The following SSC4D variants were observed in gnomAD, a reference collection of about 807,000 sequenced individuals.
SSC4D encodes scavenger receptor cysteine-rich domain-containing group B protein.
In SSC4D, 57 loss-of-function variants were observed where a neutral mutation model predicts 63.4. The ratio of observed to expected loss-of-function variants is 0.90; its 90% CI spans 0.73 to 1.12. The LOEUF (loss-of-function observed/expected upper bound fraction) is 1.12. Among genes scored for constraint, SSC4D ranks in the 50% most tolerant of loss-of-function variants. The pLI is 0.00. For synonymous variants in SSC4D, 352 were observed against 345.4 expected, an observed-to-expected ratio of 1.02 and a Z score of -0.21; for missense variants, 791 against 806.4, an observed-to-expected ratio of 0.98 and a Z score of 0.23.
At chr7:76,405,319 A>T (rs57903929) in intron 1 of SSC4D, among the ~76,000 whole-genome samples, 71 of 18,240 alleles carry the variant, frequency 3.9e-3, no homozygotes, top group Admixed American at 5.6e-3. Flanking sequence ...ATATATATGT[A>T]TTTTTTTCTT....
chr7:76,409,547 T>G lies in SSC4D; in HGVS notation c.-200A>C. The G allele has an allele frequency of 6.6e-6, 1 of 152,364 alleles. No individual in the cohort carries two copies. Among genetic ancestry groups the G allele is most frequent in the East Asian group, 1.9e-4 (1 of 5,208 alleles). 9.4% of individuals were successfully genotyped at this position (152,364 alleles called of 1,614,324 possible). A position where few individuals can be genotyped will look rare whatever the true frequency, so the allele number is the denominator to read the frequency against. ...GAAATCAACACAGGCGTTTCTTCTT[T>G]TCTTTCCACAGCTGGAAGGTGAGCA... is the stretch of plus-strand genomic sequence containing the variant. On this transcript the variant is annotated 5_prime_UTR_variant, in exon 1 of 11. Coordinates refer to ENST00000275560, the MANE Select transcript of SSC4D (RefSeq NM_080744.2).
At position 76,393,391 on chromosome 7, in the gene SSC4D, G is replaced by A. The variant is rs775088950; in HGVS notation, c.1333+14C>T. ...CGGCCCCGCTGTCAGCCTCACCTTC[G>A]CTGTCAGCCTCACCTGCGCAGAGCG... On this transcript the variant is annotated intron_variant, in intron 9 of 10. Coordinates refer to ENST00000275560, the MANE Select transcript of SSC4D (RefSeq NM_080744.2). The A allele has an allele frequency of 7.3e-7, 1 of 1,370,782 alleles. No individual in the cohort carries two copies. 84.9% of individuals were successfully genotyped at this position (1,370,782 alleles called of 1,614,324 possible).
chr7:76,393,345 C>T lies in SSC4D; in HGVS notation c.1333+60G>A, dbSNP rs537123859. ...AGGCCTCGCGCGTGGCGCCGCCCCGCCCCTCCCACGCCGCAGTGCGCGGCC... is the reference window on the plus strand; with the variant it reads ...AGGCCTCGCGCGTGGCGCCGCCCCGTCCCTCCCACGCCGCAGTGCGCGGCC... On this transcript the variant is annotated intron_variant, in intron 9 of 10. Coordinates refer to ENST00000275560, the MANE Select transcript of SSC4D (RefSeq NM_080744.2). 321 of 1,293,772 alleles carry T rather than the reference C, an allele frequency of 2.5e-4. 4 individuals carry two copies. In the South Asian group the frequency reaches 7.1e-3, roughly 28 times the overall value. The allele number at this position is 1,293,772 out of a possible 1,614,324, so 80.1% of individuals were successfully genotyped here. A position where few individuals can be genotyped will look rare whatever the true frequency, so the allele number is the denominator to read the frequency against.
intron 4 of SSC4D, 60 bp downstream of exon 4, chr7:76,400,226 C>T (rs1210836540): frequency 1.4e-6 from 2 of 1,417,634 alleles, no homozygotes; most frequent in Non-Finnish European, 1.9e-6. Context: ...TTTATCTAGC[C>T]TACAGCCCTG....
intron 2 of SSC4D, among the ~76,000 whole-genome samples, chr7:76,402,680 T>A (rs184318956): frequency 2.0e-5 from 3 of 152,198 alleles, no homozygotes; most frequent in Non-Finnish European, 4.4e-5. Context: ...TCTTTTTTGT[T>A]TTTCTTGAGA....
intron 3 of SSC4D, 85 bp downstream of exon 3, chr7:76,400,923 G>T: frequency 6.6e-7 from 1 of 1,525,314 alleles, no homozygotes; most frequent in Non-Finnish European, 8.9e-7. Context: ...GGGCTGGTTA[G>T]TCATCACTTC....
intron 6 of SSC4D, among the ~76,000 whole-genome samples, chr7:76,396,325 C>G (rs746524254): frequency 3.9e-5 from 6 of 152,180 alleles, no homozygotes; most frequent in Non-Finnish European, 8.8e-5. Flanking sequence ...CCTGGAGTTA[C>G]CTTTCCATGG....
intron 10 of SSC4D, 117 bp from the exon 11 acceptor site, chr7:76,390,492 G>A (rs762711376): frequency 1.5e-4 from 135 of 903,298 alleles, no homozygotes; most frequent in Non-Finnish European, 2.0e-4. Flanking sequence ...CCTAGGAGCC[G>A]CTAGATGAAG....
chr7:76,392,161 C>G, intron 9 of SSC4D, 120 bp from the exon 10 acceptor site: 2 of 968,444 alleles, frequency 2.1e-6, no homozygotes, highest in Non-Finnish European at 3.0e-6. Flanking sequence ...AAGGACTTCA[C>G]AGGTTCCTGA....
chr7:76,399,584 G>T (rs1255957892), intron 4 of SSC4D, among the ~76,000 whole-genome samples: 1 of 151,970 alleles, frequency 6.6e-6, no homozygotes, highest in Non-Finnish European at 1.5e-5. Flanking sequence ...ACCCAGGCTG[G>T]AGTGCAGTGT....
chr7:76,407,805 T>C (rs55650029), intron 1 of SSC4D, among the ~76,000 whole-genome samples: 65,076 of 152,080 alleles, frequency 0.43, 14,103 homozygotes, highest in South Asian at 0.53. Context: ...ATGTAACCAG[T>C]GTCCCAGAAG....
chr7:76,401,001 C>A lies in SSC4D; in HGVS notation c.169+7G>T. The A allele has an allele frequency of 6.4e-7, 1 of 1,550,700 alleles. No individual in the cohort carries two copies. The highest frequency in any genetic ancestry group is 2.4e-5 in the East Asian group (1 of 40,862). On this transcript the variant is annotated splice_region_variant and intron_variant, in intron 3 of 10. Coordinates refer to ENST00000275560, the MANE Select transcript of SSC4D (RefSeq NM_080744.2). ...GAGGGTGAGGAAGGGCGGGGTGGGG[C>A]ACCTACCTTGAAAGGGCAGTGGAGT...
intron 3 of SSC4D, 89 bp from the exon 4 acceptor site, chr7:76,400,680 T>C: frequency 2.4e-6 from 3 of 1,254,550 alleles, no homozygotes; most frequent in Non-Finnish European, 3.2e-6. Flanking sequence ...TTTATTATTA[T>C]TTTTTTTGGT....
chr7:76,394,142 A>G (rs977719500), intron 7 of SSC4D, among the ~76,000 whole-genome samples: 1 of 152,184 alleles, frequency 6.6e-6, no homozygotes, highest in Admixed American at 6.5e-5. Flanking sequence ...GATAGTTCCT[A>G]TCCTAATTCC....
At chr7:76,405,135 C>T (rs1233057400) in intron 1 of SSC4D, among the ~76,000 whole-genome samples, 1 of 145,314 alleles carries the variant, frequency 6.9e-6, no homozygotes, top group South Asian at 2.2e-4. Flanking sequence ...GACAGAGTCT[C>T]ACTCTGTGGC....
At position 76,389,964 on chromosome 7, in the gene SSC4D, A is replaced by G. The variant is rs1050648172; in HGVS notation, c.*95T>C. On this transcript the variant is annotated 3_prime_UTR_variant, in exon 11 of 11. Coordinates refer to ENST00000275560, the MANE Select transcript of SSC4D (RefSeq NM_080744.2). ...CTCCCAGGCAAGGGAAGGAGGGGCA[A>G]AGTGAACTGTAGTCATCACAAGAGG... The G allele has an allele frequency of 9.2e-6, 14 of 1,523,018 alleles. No homozygotes were observed. The highest frequency in any genetic ancestry group is 1.4e-5 in the African/African-American group (1 of 73,172). 94.3% of individuals were successfully genotyped at this position (1,523,018 alleles called of 1,614,324 possible). A position where few individuals can be genotyped will look rare whatever the true frequency, so the allele number is the denominator to read the frequency against.
At position 76,393,816 on chromosome 7, in the gene SSC4D, G is replaced by GA. The variant is rs377103089; in HGVS notation, c.1021+13_1021+14insT. The stretch of plus-strand genomic sequence containing the variant: ...CCTTCCCCATCCCCCGCAGACCCAG[G>GA]CACCGCCACTTACTTTTCTTCCCCG... On this transcript the variant is annotated intron_variant, in intron 8 of 10. Coordinates refer to ENST00000275560, the MANE Select transcript of SSC4D (RefSeq NM_080744.2). 1.6e-5 allele frequency: 25 copies of GA among 1,581,184 alleles called. No homozygotes were observed. Among genetic ancestry groups the GA allele is most frequent in the Non-Finnish European group, 2.2e-5 (25 of 1,162,076 alleles).
At chr7:76,392,161 C>T (rs1804505835) in intron 9 of SSC4D, 120 bp from the exon 10 acceptor site, 2 of 968,444 alleles carry the variant, frequency 2.1e-6, no homozygotes, top group Non-Finnish European at 1.5e-6. Flanking sequence ...AAGGACTTCA[C>T]AGGTTCCTGA....
chr7:76,407,434 C>T (rs62476836), intron 1 of SSC4D, among the ~76,000 whole-genome samples: 64,148 of 151,516 alleles, frequency 0.42, 13,792 homozygotes, highest in South Asian at 0.53. Context: ...CAGGTTCAAG[C>T]GATTCTCCTG....
Sources: allele counts gnomAD v4.1 joint callset (sites outside exome capture counted in the v4.1 genomes callset), GRCh38; gene constraint gnomAD v4.1.1; transcripts MANE v1.5; gene names NCBI Gene and HGNC (gene_info 2026-07-23, HGNC 2026-07-21).